Variants in SLC25A30 observed in about 807,000 individuals in gnomAD.
The protein encoded by SLC25A30 is kidney mitochondrial carrier protein 1.
In SLC25A30, 29 loss-of-function variants were observed where a neutral mutation model predicts 42.7. That is an observed-to-expected ratio of 0.68 (90% confidence interval 0.51 to 0.93). The LOEUF (loss-of-function observed/expected upper bound fraction) is 0.93. SLC25A30 is among the 40% of genes least tolerant of loss of function. SLC25A30 has a pLI of 0.00. For missense variants in SLC25A30, 300 were observed against 359.7 expected (o/e 0.83, Z 1.34); for synonymous variants, 124 against 131.0 (o/e 0.95, Z 0.37).
intron 8 of SLC25A30, chr13:45,398,289 G>A (rs1881569408): frequency 6.6e-6 from 1 of 152,470 alleles, no homozygotes. Context: ...AGAAGTAACA[G>A]ACACTGGGGA....
the SLC25A30 span, among the ~76,000 whole-genome samples, chr13:45,428,153 AT>A: frequency 6.6e-6 from 1 of 151,264 alleles, no homozygotes; most frequent in African/African-American, 2.4e-5. Flanking sequence ...ATCCCTGGGC[AT>A]TTTTTCTGCC....
intron 6 of SLC25A30, 50 bp downstream of exon 6, chr13:45,402,225 A>C: frequency 6.9e-7 from 1 of 1,451,658 alleles, no homozygotes; most frequent in Non-Finnish European, 9.6e-7. Context: ...TAAATTCAAA[A>C]AAGGAAAAAA....
At chr13:45,399,813 A>T (rs1424733931) in intron 7 of SLC25A30, among the ~76,000 whole-genome samples, 1 of 151,924 alleles carries the variant, frequency 6.6e-6, no homozygotes, top group Admixed American at 6.6e-5. Context: ...TGCCCCGCAA[A>T]GGTCTTAGGT....
chr13:45,395,447 G>C lies in SLC25A30; in HGVS notation c.*527C>G. The C allele has an allele frequency of 2.0e-6, 2 of 988,660 alleles. No individual in the cohort carries two copies. Among genetic ancestry groups the C allele is most frequent in the Non-Finnish European group, 2.4e-6 (2 of 831,710 alleles). 61.2% of individuals were successfully genotyped at this position (988,660 alleles called of 1,614,324 possible). On this transcript the variant is annotated 3_prime_UTR_variant, in exon 10 of 10. Coordinates refer to ENST00000519676, the MANE Select transcript of SLC25A30 (RefSeq NM_001010875.4). ...TGATAAAGCAGTGTGATATTCCTAG[G>C]ATCCATTTCCTGCACCGTTTATACC...
intron 3 of SLC25A30, among the ~76,000 whole-genome samples, chr13:45,407,175 A>C (rs1376503650): frequency 6.6e-6 from 1 of 152,178 alleles, no homozygotes; most frequent in East Asian, 1.9e-4. Flanking sequence ...AGACGGGTGG[A>C]TCACTTGAGG....
chr13:45,427,844 A>G, the SLC25A30 span, among the ~76,000 whole-genome samples: 2 of 151,532 alleles, frequency 1.3e-5, no homozygotes, highest in Admixed American at 6.6e-5. Context: ...CACAGGTTCA[A>G]GCGATTCTCC....
intron 7 of SLC25A30, among the ~76,000 whole-genome samples, chr13:45,399,765 T>TATATATAATATATATATATATA (rs1369358619): frequency 1.3e-5 from 2 of 152,050 alleles, no homozygotes; most frequent in Non-Finnish European, 2.9e-5. Context: ...AATTATATCA[T>TATATATAATATATATATATATA]TTCCTAGATA....
chr13:45,417,567 T>C (rs1458761308), intron 1 of SLC25A30, among the ~76,000 whole-genome samples: 1 of 152,094 alleles, frequency 6.6e-6, no homozygotes, highest in Non-Finnish European at 1.5e-5. Flanking sequence ...TCTTCGAAAT[T>C]ATCATCTCGT....
chr13:45,396,373 A>C, intron 9 of SLC25A30: 4 of 1,109,030 alleles, frequency 3.6e-6, no homozygotes, highest in Non-Finnish European at 4.4e-6. Flanking sequence ...AGCTCTCCTC[A>C]AAGGCTTCCA....
Position 45,416,957 on chromosome 13 carries a change from G to A in SLC25A30, c.-56+1343C>T, listed in dbSNP as rs114513848. Among the ~76,000 whole-genome samples, 680 of 152,248 alleles carry A rather than the reference G, an allele frequency of 4.5e-3. 9 individuals carry two copies. Among genetic ancestry groups the A allele is most frequent in the African/African-American group, 0.015 (644 of 41,562 alleles). On this transcript the variant is annotated intron_variant, in intron 1 of 9. Coordinates refer to ENST00000519676, the MANE Select transcript of SLC25A30 (RefSeq NM_001010875.4). ...CTGACCTCATGTGTACAGCTGTAAAGGGAGGTAATTAAATATAATACTAGC... is the reference window on the plus strand; with the variant it reads ...CTGACCTCATGTGTACAGCTGTAAAAGGAGGTAATTAAATATAATACTAGC...
intron 8 of SLC25A30, chr13:45,397,903 T>A (rs2137623793): frequency 1.0e-6 from 1 of 985,600 alleles, no homozygotes; most frequent in South Asian, 4.7e-5. Flanking sequence ...AAAAATTAGA[T>A]TTAATTCCAA....
chr13:45,393,436 T>C lies in SLC25A30; in HGVS notation c.*2538A>G, dbSNP rs1881096207. 1.0e-6 allele frequency: 1 copy of C among 983,756 alleles called. No individual in the cohort carries two copies. Among genetic ancestry groups the C allele is most frequent in the Non-Finnish European group, 1.2e-6 (1 of 828,378 alleles). 60.9% of individuals were successfully genotyped at this position (983,756 alleles called of 1,614,324 possible). A position where few individuals can be genotyped will look rare whatever the true frequency, so the allele number is the denominator to read the frequency against. On this transcript the variant is annotated 3_prime_UTR_variant, in exon 10 of 10. Coordinates refer to ENST00000519676, the MANE Select transcript of SLC25A30 (RefSeq NM_001010875.4). ...AAAGGCTTATGAAAACTTCATACTC[T>C]TTATATAATGCATACTATTTCTAGC... is the stretch of plus-strand genomic sequence containing the variant.
At chr13:45,432,115 CA>C in the SLC25A30 span, among the ~76,000 whole-genome samples, 1 of 151,708 alleles carries the variant, frequency 6.6e-6, no homozygotes, top group Admixed American at 6.6e-5. Flanking sequence ...ACTAAAAATA[CA>C]AAAACAAACC....
At chr13:45,407,677 A>G (rs1315740215) in intron 3 of SLC25A30, among the ~76,000 whole-genome samples, 1 of 152,190 alleles carries the variant, frequency 6.6e-6, no homozygotes, top group Non-Finnish European at 1.5e-5. Flanking sequence ...TCCTGTGTAT[A>G]CCTTCAGATA....
intron 1 of SLC25A30, 199 bp downstream of exon 1, chr13:45,418,101 G>A (rs1265046009): frequency 1.9e-5 from 3 of 154,084 alleles, no homozygotes; most frequent in Admixed American, 1.3e-4. Context: ...GAGAAGCAGA[G>A]CCCTGTCCCC....
chr13:45,401,159 G>A lies in SLC25A30; in HGVS notation c.538C>T (p.Leu180=). 1.2e-6 allele frequency: 2 copies of A among 1,613,960 alleles called. No individual in the cohort carries two copies. Among genetic ancestry groups the A allele is most frequent in the Non-Finnish European group, 1.7e-6 (2 of 1,179,884 alleles). Residue 180 remains leucine, a synonymous_variant, in exon 7 of 10, where the codon CTG becomes TTG. Coordinates refer to ENST00000519676, the MANE Select transcript of SLC25A30 (RefSeq NM_001010875.4). ...QRAAIVVGVE[L]PVYDITKKHL... is the part of the protein sequence containing the mutation. ...TTCTTGGTGATGTCATAGACCGGCA[G>A]CTCCACACCAACAACAATAGCAGCC...
At chr13:45,406,626 A>G (rs1459929964) in intron 3 of SLC25A30, among the ~76,000 whole-genome samples, 1 of 151,822 alleles carries the variant, frequency 6.6e-6, no homozygotes, top group South Asian at 2.1e-4. Flanking sequence ...GCATTTCCCC[A>G]CTTCCTTCTT....
chr13:45,424,760 A>G, the SLC25A30 span, among the ~76,000 whole-genome samples: 6 of 60,606 alleles, frequency 9.9e-5, no homozygotes, highest in African/African-American at 3.4e-4. Flanking sequence ...ATTTATATAA[A>G]TATATAAATA....
intron 3 of SLC25A30, among the ~76,000 whole-genome samples, chr13:45,406,540 A>G (rs1882529459): frequency 6.6e-6 from 1 of 152,246 alleles, no homozygotes; most frequent in East Asian, 1.9e-4. Context: ...ACTTTCCTCC[A>G]TCCGATATGC....
Sources: gnomAD v4.1 joint callset for allele counts (sites outside exome capture counted in the v4.1 genomes callset) on GRCh38, gnomAD v4.1.1 for gene constraint, MANE v1.5 for transcripts, NCBI Gene and HGNC (gene_info 2026-07-23, HGNC 2026-07-21) for gene names.